SNX7: variants seen among roughly 807,000 people sequenced by gnomAD.
The protein encoded by SNX7 is sorting nexin 7.
A neutral mutation model predicts 48.4 loss-of-function variants in SNX7; 35 were observed. The ratio of observed to expected loss-of-function variants is 0.72; its 90% CI spans 0.55 to 0.96. The LOEUF (loss-of-function observed/expected upper bound fraction) is 0.96. Among genes scored for constraint, SNX7 ranks in the 40% least tolerant of loss-of-function variants. SNX7 has a pLI of 0.00. For missense variants in SNX7, 553 were observed against 548.9 expected, an observed-to-expected ratio of 1.01 and a Z score of -0.07; for synonymous variants, 190 against 190.2, an observed-to-expected ratio of 1.00 and a Z score of 0.01.
intron 8 of SNX7, among the ~76,000 whole-genome samples, chr1:98,747,844 T>G (rs1570607016): frequency 6.6e-6 from 1 of 152,266 alleles, no homozygotes; most frequent in Middle Eastern, 3.4e-3. Flanking sequence ...CTTATTTTGT[T>G]GTTTGATTAA....
chr1:98,676,424 G>T (rs1341774293), intron 1 of SNX7, among the ~76,000 whole-genome samples: 1 of 152,106 alleles, frequency 6.6e-6, no homozygotes, highest in Non-Finnish European at 1.5e-5. Flanking sequence ...TACTCCTTGT[G>T]TAATGCTTAA....
chr1:98,700,918 G>A (rs1028725586), intron 6 of SNX7, among the ~76,000 whole-genome samples: 11 of 152,044 alleles, frequency 7.2e-5, no homozygotes, highest in African/African-American at 2.7e-4. Flanking sequence ...TCTCTAGCTG[G>A]TTGAATTGTT....
At chr1:98,672,247 A>G (rs1299225491) in intron 1 of SNX7, among the ~76,000 whole-genome samples, 3 of 151,966 alleles carry the variant, frequency 2.0e-5, no homozygotes, top group Non-Finnish European at 2.9e-5. Context: ...TGTTCCACAT[A>G]TCTTCTTCAT....
At chr1:98,682,070 TCTTTTCTTCCTTTTTTTGTC>T in intron 1 of SNX7, among the ~76,000 whole-genome samples, 1 of 126,552 alleles carries the variant, frequency 7.9e-6, no homozygotes, top group South Asian at 2.3e-4. Flanking sequence ...TTATCAGTTT[TCTTTTCTTCCTTTTTTTGTC>T]CTTCTTTTAC....
At chr1:98,737,280 A>G (rs770864023) in intron 7 of SNX7, among the ~76,000 whole-genome samples, 1 of 152,030 alleles carries the variant, frequency 6.6e-6, no homozygotes, top group Non-Finnish European at 1.5e-5. Flanking sequence ...TGGCCACCTT[A>G]TCTAAAATTG....
intron 8 of SNX7, among the ~76,000 whole-genome samples, chr1:98,755,408 A>T (rs1338329392): frequency 6.6e-6 from 1 of 152,018 alleles, no homozygotes; most frequent in Non-Finnish European, 1.5e-5. Flanking sequence ...TTATAATTGT[A>T]GATTTGTCTT....
chr1:98,726,570 A>G (rs187232768), intron 7 of SNX7, among the ~76,000 whole-genome samples: 191 of 152,318 alleles, frequency 1.3e-3, no homozygotes, highest in African/African-American at 4.2e-3. Context: ...ACTTATCTAT[A>G]TTAGTATGTA....
At chr1:98,678,843 G>A (rs1023004579) in intron 1 of SNX7, among the ~76,000 whole-genome samples, 1 of 152,138 alleles carries the variant, frequency 6.6e-6, no homozygotes, top group Non-Finnish European at 1.5e-5. Flanking sequence ...AGTCTCCTTA[G>A]TGGAAAACCT....
intron 2 of SNX7, 26 bp from the exon 3 acceptor site, chr1:98,691,049 C>T: frequency 1.4e-6 from 2 of 1,467,418 alleles, no homozygotes; most frequent in Non-Finnish European, 1.9e-6. Context: ...ATTGCATGTG[C>T]TGTTATTTTC....
chr1:98,713,786 T>C (rs539976639), intron 7 of SNX7, among the ~76,000 whole-genome samples: 1 of 152,246 alleles, frequency 6.6e-6, no homozygotes, highest in South Asian at 2.1e-4. Flanking sequence ...AACATACACA[T>C]TTATGGATTA....
In SNX7 at chr1:98,693,574, C is replaced by T. The variant is rs146978422; in HGVS notation, c.639+1875C>T. On this transcript the variant is annotated intron_variant, in intron 4 of 8. Coordinates refer to ENST00000306121, the MANE Select transcript of SNX7 (RefSeq NM_015976.5). The stretch of plus-strand genomic sequence containing the variant: ...GTCAACAGTTTCAGTAACAGCTTGC[C>T]AGTTGTGACGTGAGCTGTCTCTGAT... 3.6e-3 allele frequency among the ~76,000 whole-genome samples: 554 copies of T among 152,260 alleles called. 4 individuals are homozygous for T. Among genetic ancestry groups the T allele is most frequent in the African/African-American group, 0.012 (515 of 41,546 alleles).
At chr1:98,689,826 A>G (rs1245656963) in intron 2 of SNX7, among the ~76,000 whole-genome samples, 4 of 152,172 alleles carry the variant, frequency 2.6e-5, no homozygotes. Context: ...GGTATTTGAT[A>G]TAGTTTTCCT....
chr1:98,672,947 A>AG (rs1649959855), intron 1 of SNX7, among the ~76,000 whole-genome samples: 1 of 151,228 alleles, frequency 6.6e-6, no homozygotes, highest in African/African-American at 2.4e-5. Flanking sequence ...AAAAAAAAAA[A>AG]AAAAAGAAAT....
At chr1:98,738,939 A>G (rs1653933213) in intron 8 of SNX7, among the ~76,000 whole-genome samples, 1 of 152,094 alleles carries the variant, frequency 6.6e-6, no homozygotes, top group African/African-American at 2.4e-5. Context: ...TTAAAATAAC[A>G]TCTTTAACCT....
At chr1:98,690,313 T>G (rs758738715) in intron 2 of SNX7, among the ~76,000 whole-genome samples, 22 of 152,124 alleles carry the variant, frequency 1.4e-4, no homozygotes, top group Non-Finnish European at 1.6e-4. Flanking sequence ...TATTTTTATC[T>G]TTGGCTTGGG....
chr1:98,682,231 ATTC>A (rs1480170931), intron 1 of SNX7, among the ~76,000 whole-genome samples: 1 of 141,864 alleles, frequency 7.0e-6, no homozygotes, highest in Non-Finnish European at 1.5e-5. Context: ...CGCTTCCTTT[ATTC>A]TTTCTCCTTG....
intron 8 of SNX7, among the ~76,000 whole-genome samples, chr1:98,748,858 C>T (rs1465446886): frequency 1.3e-5 from 2 of 152,104 alleles, no homozygotes; most frequent in Non-Finnish European, 2.9e-5. Context: ...ACATACACCC[C>T]TTACAAGTCT....
chr1:98,738,095 A>G, intron 7 of SNX7, 142 bp from the exon 8 acceptor site: 1 of 799,454 alleles, frequency 1.3e-6, no homozygotes, highest in Non-Finnish European at 1.9e-6. Context: ...TTTAATTAGT[A>G]CACAGAGTAA....
chr1:98,675,331 TTTA>T (rs1463412871), intron 1 of SNX7, among the ~76,000 whole-genome samples: 1 of 152,152 alleles, frequency 6.6e-6, no homozygotes, highest in East Asian at 1.9e-4. Flanking sequence ...GATAGTCAGT[TTTA>T]TTGAGGTTTT....
Sources: allele counts gnomAD v4.1 joint callset (sites outside exome capture counted in the v4.1 genomes callset), GRCh38; gene constraint gnomAD v4.1.1; transcripts MANE v1.5; gene names NCBI Gene and HGNC (gene_info 2026-07-23, HGNC 2026-07-21).